The following ZNF250 variants were observed in gnomAD, a reference collection of about 807,000 sequenced individuals.
The protein encoded by ZNF250 is zinc finger protein 250.
ZNF250 carries 13 observed loss-of-function variants against 37.1 expected under a neutral mutation model. The ratio of observed to expected loss-of-function variants is 0.35; its 90% CI spans 0.23 to 0.56. The LOEUF is 0.56. Among genes scored for constraint, ZNF250 ranks in the 20% least tolerant of loss-of-function variants. The pLI, the probability that ZNF250 is intolerant of heterozygous loss-of-function variation, is 0.87. For synonymous variants in ZNF250, 251 were observed against 265.6 expected, an observed-to-expected ratio of 0.94 and a Z score of 0.54; for missense variants, 474 against 697.9, an observed-to-expected ratio of 0.68 and a Z score of 3.61.
At chr8:144,885,991 C>T (rs1051758681) in intron 5 of ZNF250, among the ~76,000 whole-genome samples, 7 of 150,532 alleles carry the variant, frequency 4.7e-5, no homozygotes, top group East Asian at 2.0e-4. Context: ...TAGCTACTCT[C>T]GGGAAGCTGT....
intron 5 of ZNF250, among the ~76,000 whole-genome samples, chr8:144,883,420 A>G (rs1831643359): frequency 6.6e-6 from 1 of 151,308 alleles, no homozygotes; most frequent in African/African-American, 2.4e-5. Context: ...GTTCACTGCA[A>G]CCCCCACCTC....
intron 1 of ZNF250, among the ~76,000 whole-genome samples, chr8:144,894,491 C>A (rs1267772359): frequency 1.3e-5 from 2 of 152,132 alleles, no homozygotes; most frequent in African/African-American, 4.8e-5. Context: ...CTGCCCCACC[C>A]ACCGCAGCAG....
Position 144,890,263 on chromosome 8 carries a change from A to G in ZNF250, c.42+45T>C, listed in dbSNP as rs1468349079. On this transcript the variant is annotated intron_variant, in intron 2 of 5. Coordinates refer to ENST00000417550, the MANE Select transcript of ZNF250 (RefSeq NM_001109689.4). This position sits in a 1 kb window ranked among gnomAD's most constrained non-coding sequence, Gnocchi z 5.1. ...CTCTACGGGGCACGGAAGGAACCAC[A>G]GGGCTCGGGCTGGGGGCACTGCATA... is the stretch of plus-strand genomic sequence containing the variant. The G allele has an allele frequency of 1.9e-6, 3 of 1,547,992 alleles. No individual in the cohort carries two copies. The highest frequency in any genetic ancestry group is 3.7e-5 in the Admixed American group (2 of 54,430).
rs1831485447 is a variant in ZNF250, at chr8:144,881,766, G to C, written c.1417C>G (p.Pro473Ala). ...QHERIHTGEKPFQCTECGKAF... is the reference protein window; with the variant it reads ...QHERIHTGEKAFQCTECGKAF... ...TTGCCACATTCTGTGCACTGGAAGG[G>C]CTTTTCACCTGTGTGGATTCTCTCA... The change falls in exon 6 of 6, where the codon CCC becomes GCC. Residue 473 changes from proline (P) to alanine (A), a missense_variant. Pro to Ala is a conservative substitution (Grantham distance 27). Coordinates refer to ENST00000417550, the MANE Select transcript of ZNF250 (RefSeq NM_001109689.4). 6.2e-7 allele frequency: 1 copy of C among 1,614,046 alleles called. No homozygotes were observed. The highest frequency in any genetic ancestry group is 1.3e-5 in the African/African-American group (1 of 74,950).
At position 144,882,424 on chromosome 8, in the gene ZNF250, A is replaced by C. The variant is rs975310334; in HGVS notation, c.759T>G (p.Asn253Lys). The C allele has an allele frequency of 1.2e-5, 20 of 1,613,852 alleles. No homozygotes were observed. The highest frequency in any genetic ancestry group is 1.7e-5 in the Admixed American group (1 of 59,956). ...TCACTCTAAAGGCTTTTCCACACTC[A>C]TTACACTCATAGGGCTTCTCACCTG... ...IHTGEKPYEC[N>K]ECGKAFRVSS... Residue 253 changes from asparagine to lysine, a missense_variant, in exon 6 of 6, where the codon AAT becomes AAG. Transcript: ENST00000417550. This position sits in a 1 kb window ranked among gnomAD's most constrained non-coding sequence, Gnocchi z 5.5.
chr8:144,887,984 C>G (rs1832016300), intron 4 of ZNF250, among the ~76,000 whole-genome samples: 1 of 152,230 alleles, frequency 6.6e-6, no homozygotes, highest in Admixed American at 6.5e-5. Flanking sequence ...AATGCTGAAG[C>G]TGATCAGCCA....
chr8:144,899,570 A>ATG (rs1322238864), intron 1 of ZNF250, among the ~76,000 whole-genome samples: 1 of 152,212 alleles, frequency 6.6e-6, no homozygotes, highest in East Asian at 1.9e-4. Context: ...TTATTATTTC[A>ATG]TGTGGGAAGG....
At chr8:144,885,929 A>C (rs1312430490) in intron 5 of ZNF250, among the ~76,000 whole-genome samples, 2 of 148,186 alleles carry the variant, frequency 1.3e-5, no homozygotes, top group Non-Finnish European at 3.0e-5. Flanking sequence ...AACATGGTGA[A>C]ACCCCGTCTC....
chr8:144,887,965 C>A (rs923717308), intron 4 of ZNF250, among the ~76,000 whole-genome samples: 8 of 152,180 alleles, frequency 5.3e-5, no homozygotes, highest in Non-Finnish European at 1.2e-4. Context: ...GGAAAACCAC[C>A]ACATCTGAAA....
At chr8:144,900,835 G>A (rs1833050088) in intron 1 of ZNF250, among the ~76,000 whole-genome samples, 1 of 152,204 alleles carries the variant, frequency 6.6e-6, no homozygotes, top group South Asian at 2.1e-4. Flanking sequence ...GGCTCCTCAG[G>A]ATGTGCATCA....
chr8:144,890,239 T>C lies in ZNF250; in HGVS notation c.42+69A>G. Reference sequence around the variant, plus strand: ...TGACGCTCTGGCTGCTCTTAGGAGCTCTACGGGGCACGGAAGGAACCACAG... The same window carrying C: ...TGACGCTCTGGCTGCTCTTAGGAGCCCTACGGGGCACGGAAGGAACCACAG... On this transcript the variant is annotated intron_variant, in intron 2 of 5. Transcript: ENST00000417550. The surrounding 1 kb of genome is among the most constrained non-coding windows in gnomAD (Gnocchi z 5.1). 6.6e-7 allele frequency: 1 copy of C among 1,518,888 alleles called. No individual in the cohort carries two copies. Among genetic ancestry groups the C allele is most frequent in the Non-Finnish European group, 9.0e-7 (1 of 1,113,598 alleles). 94.1% of individuals were successfully genotyped at this position (1,518,888 alleles called of 1,614,324 possible).
chr8:144,888,942 G>T (rs1832110075), intron 4 of ZNF250, among the ~76,000 whole-genome samples: 1 of 152,012 alleles, frequency 6.6e-6, no homozygotes, highest in Non-Finnish European at 1.5e-5. Flanking sequence ...CTAATTTTTT[G>T]TATTTTTAGT....
At chr8:144,889,450 G>C (rs2975309) in intron 4 of ZNF250, 131 bp downstream of exon 4, 2 of 661,710 alleles carry the variant, frequency 3.0e-6, no homozygotes, top group East Asian at 2.8e-5. Flanking sequence ...TCCTTTGCCA[G>C]ATAAGGCCAG....
At position 144,886,907 on chromosome 8, in the gene ZNF250, A is replaced by G. The variant is rs1188420770; in HGVS notation, c.284-5T>C. 1.2e-6 allele frequency: 2 copies of G among 1,611,082 alleles called. No homozygotes were observed. Among genetic ancestry groups the G allele is most frequent in the Admixed American group, 1.7e-5 (1 of 59,856 alleles). The stretch of plus-strand genomic sequence containing the variant: ...TGTGGTCATATTTGAGGTTGTCTGG[A>G]AAAAAAACAGCGAGTTGAAGTGACA... On this transcript the variant is annotated splice_polypyrimidine_tract_variant and splice_region_variant and intron_variant, in intron 4 of 5. Transcript: ENST00000417550.
chr8:144,881,720 GT>G lies in ZNF250; in HGVS notation c.1462del (p.Thr488LeufsTer2). 1 of 1,614,012 alleles carries G rather than the reference GT, an allele frequency of 6.2e-7. No homozygotes were observed. The highest frequency in any genetic ancestry group is 1.1e-5 in the South Asian group (1 of 91,074). ...ECGKAFSLKA[T>X]LIVHLRTHTG... ...GTGGGTCCTCAGGTGCACAATCAGA[GT>G]TGCTTTCAGGCTGAAGGCTTTGCCA... On this transcript the variant is annotated frameshift_variant, in exon 6 of 6. Coordinates refer to ENST00000417550, the MANE Select transcript of ZNF250 (RefSeq NM_001109689.4). LOFTEE classifies it high-confidence loss of function.
Position 144,897,860 on chromosome 8 carries a change from A to G in ZNF250, c.-55+3539T>C, listed in dbSNP as rs985582750. On this transcript the variant is annotated intron_variant, in intron 1 of 5. Coordinates refer to ENST00000417550, the MANE Select transcript of ZNF250 (RefSeq NM_001109689.4). The surrounding 1 kb of genome is among the most constrained non-coding windows in gnomAD (Gnocchi z 5.2). ...TAGCAGGAGCATGTCCTTAAGGCAC[A>G]GATCGCTCATGCTATTGTTTGTGGC... Among the ~76,000 whole-genome samples the G allele has an allele frequency of 1.4e-4, 22 of 152,258 alleles. No individual in the cohort carries two copies. Among genetic ancestry groups the G allele is most frequent in the Admixed American group, 5.9e-4 (9 of 15,286 alleles).
At chr8:144,885,092 T>C (rs896711646) in intron 5 of ZNF250, among the ~76,000 whole-genome samples, 4 of 152,232 alleles carry the variant, frequency 2.6e-5, no homozygotes, top group African/African-American at 7.2e-5. Flanking sequence ...GTTTTTTTAA[T>C]AAAAAAATTT....
Position 144,880,529 on chromosome 8 carries a change from A to G in ZNF250, c.*986T>C. The G allele has an allele frequency of 4.4e-6, 2 of 456,438 alleles. No homozygotes were observed. The highest frequency in any genetic ancestry group is 4.4e-6 in the Non-Finnish European group (1 of 226,786). 28.3% of individuals were successfully genotyped at this position (456,438 alleles called of 1,614,324 possible). A position where few individuals can be genotyped will look rare whatever the true frequency, so the allele number is the denominator to read the frequency against. On this transcript the variant is annotated 3_prime_UTR_variant, in exon 6 of 6. Transcript: ENST00000417550. ...GTTGAATTTTTACTAAAAAGTTAGC[A>G]TAACCTTTCTGATCTTGAATAAAGT... is the stretch of plus-strand genomic sequence containing the variant.
rs56677445 is a variant in ZNF250, at chr8:144,887,252, C to CAAAAAAAAAAAA, written c.284-362_284-351dup. 8.6e-4 allele frequency among the ~76,000 whole-genome samples: 54 copies of CAAAAAAAAAAAA among 63,076 alleles called. 3 individuals are homozygous for CAAAAAAAAAAAA. Among genetic ancestry groups the CAAAAAAAAAAAA allele is most frequent in the African/African-American group, 4.0e-3 (53 of 13,216 alleles). The allele number at this position is 63,076 out of a possible 152,430, so 41.4% of individuals were successfully genotyped here. A position where few individuals can be genotyped will look rare whatever the true frequency, so the allele number is the denominator to read the frequency against. On this transcript the variant is annotated intron_variant, in intron 4 of 5. Transcript: ENST00000417550. ...GGGGACAGAGTGAAACTCCGTCTCTCAAAAAAAAAAAAAAAAAAAAAAAAA... is the reference window on the plus strand; with the variant it reads ...GGGGACAGAGTGAAACTCCGTCTCTCAAAAAAAAAAAAAAAAAAAAAAAAAAAAAAAAAAAAA...
Sources: allele counts gnomAD v4.1 joint callset (sites outside exome capture counted in the v4.1 genomes callset), GRCh38; gene constraint gnomAD v4.1.1; non-coding constraint Gnocchi (gnomAD v3.1); transcripts MANE v1.5; gene names NCBI Gene and HGNC (gene_info 2026-07-23, HGNC 2026-07-21).